The following OR51L1 variants were observed in gnomAD, a reference collection of about 807,000 sequenced individuals.
OR51L1 encodes olfactory receptor family 51 subfamily L member 1, also known as olfactory receptor 51L1.
Under a neutral mutation model 1.4 loss-of-function variants are expected in OR51L1, and 1 was observed. The observed-to-expected ratio is 0.72, with a 90% confidence interval of 0.26 to 3.42. OR51L1 has a LOEUF of 3.42. Ranked by LOEUF, OR51L1 falls within the 30% of genes most tolerant of loss-of-function variation. OR51L1 has a pLI of 0.20. For synonymous variants in OR51L1, 156 were observed against 144.2 expected (o/e 1.08, Z -0.59); for missense variants, 378 against 380.0 (o/e 0.99, Z 0.04).
In OR51L1 at chr11:5,002,743, C is replaced by T. The variant is rs1302112588; in HGVS notation, c.*2813C>T. On this transcript the variant is annotated 3_prime_UTR_variant, in exon 3 of 3. Transcript: ENST00000641819. ...GACAAGGCTATCTTCAGGCCTGATT[C>T]ACAGGTCAACTTTTCCCTCTGCCCA... is the stretch of plus-strand genomic sequence containing the variant. The T allele has an allele frequency of 2.6e-5, 4 of 152,174 alleles. No individual in the cohort carries two copies. The highest frequency in any genetic ancestry group is 9.7e-5 in the African/African-American group (4 of 41,420). 9.4% of individuals were successfully genotyped at this position (152,174 alleles called of 1,614,324 possible).
chr11:4,999,969 T>C lies in OR51L1; in HGVS notation c.*39T>C. 6.5e-7 allele frequency: 1 copy of C among 1,547,310 alleles called. No individual in the cohort carries two copies. Among genetic ancestry groups the C allele is most frequent in the Non-Finnish European group, 8.7e-7 (1 of 1,149,756 alleles). ...TCCAACTTTTCCACTGAAAATCTCA[T>C]GGAAGCTGTTTTAGTATATGAAAAG... is the stretch of plus-strand genomic sequence containing the variant. On this transcript the variant is annotated 3_prime_UTR_variant, in exon 3 of 3. Coordinates refer to ENST00000641819, the MANE Select transcript of OR51L1 (RefSeq NM_001004755.2).
rs986984854 is a variant in OR51L1, at chr11:5,004,204, G to T, written c.*4274G>T. On this transcript the variant is annotated 3_prime_UTR_variant, in exon 3 of 3. Transcript: ENST00000641819. ...TCTTAGCATCCTGGATGCCAGAAAA[G>T]GTCATTACATTGCATGTGTTTAGAA... The T allele has an allele frequency of 1.3e-5, 2 of 152,276 alleles. No individual in the cohort carries two copies. The highest frequency in any genetic ancestry group is 1.9e-4 in the East Asian group (1 of 5,178). 9.4% of individuals were successfully genotyped at this position (152,276 alleles called of 1,614,324 possible).
intron 1 of OR51L1, among the ~76,000 whole-genome samples, chr11:4,996,644 G>C (rs1344354797): frequency 1.3e-5 from 2 of 151,918 alleles, no homozygotes; most frequent in Non-Finnish European, 2.9e-5. Context: ...CTTCTCCACT[G>C]TGGCCACAGT....
In OR51L1 at chr11:4,999,230, T is replaced by A. The variant is rs1396692373; in HGVS notation, c.248T>A (p.Met83Lys). Residue 83 changes from methionine (M) to lysine (K), a missense_variant, in exon 3 of 3, where the codon ATG becomes AAG. By Grantham distance (95) the Met-to-Lys change is moderately conservative. Transcript: ENST00000641819. ...ATGTCCCTGTCTACACTTCCCACCA[T>A]GCTTGCTGTGTTATGGTTGGATGCT... ...LGMSLSTLPT[M>K]LAVLWLDAPE... 1 of 1,614,234 alleles carries A rather than the reference T, an allele frequency of 6.2e-7. No individual in the cohort carries two copies. The highest frequency in any genetic ancestry group is 1.1e-5 in the South Asian group (1 of 91,090).
rs1267878222 is a variant in OR51L1 at position 5,005,310 on chromosome 11, C to T, written c.*5380C>T. On this transcript the variant is annotated 3_prime_UTR_variant, in exon 3 of 3. Transcript: ENST00000641819. ...GAGTCTTCCTTTACTCCCTTTCTCG[C>T]TTCAGACATTCACCTTATCTTACGT... is the stretch of plus-strand genomic sequence containing the variant. 2 of 152,198 alleles carry T rather than the reference C, an allele frequency of 1.3e-5. No homozygotes were observed. Among genetic ancestry groups the T allele is most frequent in the Admixed American group, 1.3e-4 (2 of 15,256 alleles). 9.4% of individuals were successfully genotyped at this position (152,198 alleles called of 1,614,324 possible).
intron 1 of OR51L1, among the ~76,000 whole-genome samples, chr11:4,996,702 CCTTCCTTCCTTTCTTTTCT>C (rs1211993798): frequency 1.5e-3 from 145 of 97,988 alleles, no homozygotes; most frequent in African/African-American, 5.7e-3. Flanking sequence ...TCTTTCTTTT[CCTTCCTTCCTTTCTTTTCT>C]TTTCTTTCTT....
In OR51L1 at chr11:4,999,166, T is replaced by A; in HGVS notation, c.184T>A (p.Tyr62Asn). 1 of 1,613,970 alleles carries A rather than the reference T, an allele frequency of 6.2e-7. No individual in the cohort carries two copies. Among genetic ancestry groups the A allele is most frequent in the Middle Eastern group, 1.7e-4 (1 of 6,060 alleles). The stretch of plus-strand genomic sequence containing the variant: ...AGAATCCTCTCTCCATCAGCCCATG[T>A]ATTACTTTATTTCCATCTTAGCAGT... ...WIESSLHQPM[Y>N]YFISILAVND... Residue 62 changes from tyrosine (Y) to asparagine (N), a missense_variant, in exon 3 of 3, where the codon TAT (tyrosine) becomes AAT (asparagine). Coordinates refer to ENST00000641819, the MANE Select transcript of OR51L1 (RefSeq NM_001004755.2).
rs1847109141 is a variant in OR51L1 at position 4,999,629 on chromosome 11, T to C, written c.647T>C (p.Ile216Thr). Residue 216 changes from isoleucine (I) to threonine (T), a missense_variant, in exon 3 of 3, where the codon ATA (isoleucine) becomes ACA (threonine). Physicochemically the swap from Ile to Thr is moderately conservative, Grantham distance 89 (BLOSUM62 -1). Transcript: ENST00000641819. ...ACACTAGGTGTGGATTCAATCTTCA[T>C]ACTTCTTTCTTATGTTCTGATTCTT... The part of the protein sequence containing the change: ...IATLGVDSIF[I>T]LLSYVLILNT... The C allele has an allele frequency of 1.9e-6, 3 of 1,614,054 alleles. No homozygotes were observed. The highest frequency in any genetic ancestry group is 2.5e-6 in the Non-Finnish European group (3 of 1,179,940).
At chr11:4,996,332 A>G (rs1847068407) in intron 1 of OR51L1, among the ~76,000 whole-genome samples, 1 of 152,124 alleles carries the variant, frequency 6.6e-6, no homozygotes, top group Non-Finnish European at 1.5e-5. Context: ...ATATATAAAC[A>G]TCATTCTGTA....
chr11:4,996,446 T>A (rs1847069329), intron 1 of OR51L1, among the ~76,000 whole-genome samples: 1 of 152,116 alleles, frequency 6.6e-6, no homozygotes, highest in Non-Finnish European at 1.5e-5. Flanking sequence ...TGAAGTTTTC[T>A]AAACATCGCA....
At chr11:4,996,529 T>G (rs1228717750) in intron 1 of OR51L1, among the ~76,000 whole-genome samples, 1 of 152,074 alleles carries the variant, frequency 6.6e-6, no homozygotes, top group Non-Finnish European at 1.5e-5. Flanking sequence ...CACTTTGTTC[T>G]TTGCATTCTA....
rs191788350 is a variant in OR51L1, at chr11:4,995,475, G to A, written c.-262+140G>A. Reference sequence around the variant, plus strand: ...AAAGGAAAAAGAATTATTCTCATCTGTGAAAAAAATTAAATTTATTACAGT... The same window carrying A: ...AAAGGAAAAAGAATTATTCTCATCTATGAAAAAAATTAAATTTATTACAGT... On this transcript the variant is annotated intron_variant, in intron 1 of 2. Coordinates refer to ENST00000641819, the MANE Select transcript of OR51L1 (RefSeq NM_001004755.2). 10 of 152,186 alleles carry A rather than the reference G, an allele frequency of 6.6e-5. No homozygotes were observed. In the East Asian group the frequency reaches 1.9e-3, roughly 29 times the overall value. The allele number at this position is 152,186 out of a possible 1,614,324, so 9.4% of individuals were successfully genotyped here.
chr11:5,000,075 C>T lies in OR51L1; in HGVS notation c.*145C>T. The stretch of plus-strand genomic sequence containing the variant: ...ACATGTAATTTCAGTTAATCTTTAA[C>T]CAATATGAAACTCAGGATTTTTTTG... On this transcript the variant is annotated 3_prime_UTR_variant, in exon 3 of 3. Transcript: ENST00000641819. The T allele has an allele frequency of 1.1e-6, 1 of 896,658 alleles. No individual in the cohort carries two copies. The highest frequency in any genetic ancestry group is 1.6e-6 in the Non-Finnish European group (1 of 623,580). 55.5% of individuals were successfully genotyped at this position (896,658 alleles called of 1,614,324 possible). A position where few individuals can be genotyped will look rare whatever the true frequency, so the allele number is the denominator to read the frequency against.
chr11:4,999,146 C>A lies in OR51L1; in HGVS notation c.164C>A (p.Ser55Tyr). 1 of 1,612,694 alleles carries A rather than the reference C, an allele frequency of 6.2e-7. No individual in the cohort carries two copies. The highest frequency in any genetic ancestry group is 8.5e-7 in the Non-Finnish European group (1 of 1,178,690). Reference protein sequence around the residue: ...VTILSVIWIESSLHQPMYYFI... With the variant: ...VTILSVIWIEYSLHQPMYYFI... Reference sequence around the variant, plus strand: ...ATCCTGTCTGTCATTTGGATAGAATCCTCTCTCCATCAGCCCATGTATTAC... The same window carrying A: ...ATCCTGTCTGTCATTTGGATAGAATACTCTCTCCATCAGCCCATGTATTAC... Residue 55 changes from serine (S) to tyrosine (Y), a missense_variant, in exon 3 of 3, where the codon TCC (serine) becomes TAC (tyrosine). Ser to Tyr is a moderately radical substitution (Grantham distance 144). Transcript: ENST00000641819.
Position 5,003,440 on chromosome 11 carries a change from A to C in OR51L1, c.*3510A>C, listed in dbSNP as rs867122975. The C allele has an allele frequency of 6.6e-6, 1 of 152,078 alleles. No individual in the cohort carries two copies. Among genetic ancestry groups the C allele is most frequent in the South Asian group, 2.1e-4 (1 of 4,820 alleles). 9.4% of individuals were successfully genotyped at this position (152,078 alleles called of 1,614,324 possible). A position where few individuals can be genotyped will look rare whatever the true frequency, so the allele number is the denominator to read the frequency against. ...AAAGTTACTTCCTTTTGGCATCTGC[A>C]TTCTATTAGCAGTTTAGTGCAACAG... On this transcript the variant is annotated 3_prime_UTR_variant, in exon 3 of 3. Transcript: ENST00000641819.
Position 4,999,669 on chromosome 11 carries a change from T to C in OR51L1, c.687T>C (p.Asp229=). 1 of 1,614,088 alleles carries C rather than the reference T, an allele frequency of 6.2e-7. No individual in the cohort carries two copies. Among genetic ancestry groups the C allele is most frequent in the Non-Finnish European group, 8.5e-7 (1 of 1,179,998 alleles). ...SYVLILNTVL[D]IASREEQLKA... Reference sequence around the variant, plus strand: ...TTCTGATTCTTAATACTGTGCTGGATATTGCATCTCGTGAAGAGCAGCTAA... The same window carrying C: ...TTCTGATTCTTAATACTGTGCTGGACATTGCATCTCGTGAAGAGCAGCTAA... Residue 229 remains aspartate (D), a synonymous_variant, in exon 3 of 3, where the codon GAT becomes GAC. Transcript: ENST00000641819.
intron 2 of OR51L1, 47 bp from the exon 3 acceptor site, chr11:4,998,777 G>C (rs1847095463): frequency 1.8e-6 from 1 of 542,364 alleles, no homozygotes. Flanking sequence ...CCACATTTTT[G>C]TTCCAGAATT....
In OR51L1 at chr11:5,000,167, T is replaced by C. The variant is rs545562597; in HGVS notation, c.*237T>C. ...ATTACAAGACTTATAATAGAAAATGTATGTGCTAAGTCAAGTTTTTTGAAA... is the reference window on the plus strand; with the variant it reads ...ATTACAAGACTTATAATAGAAAATGCATGTGCTAAGTCAAGTTTTTTGAAA... On this transcript the variant is annotated 3_prime_UTR_variant, in exon 3 of 3. Coordinates refer to ENST00000641819, the MANE Select transcript of OR51L1 (RefSeq NM_001004755.2). 7.7e-6 allele frequency: 3 copies of C among 392,140 alleles called. No homozygotes were observed. The highest frequency in any genetic ancestry group is 1.4e-5 in the Non-Finnish European group (3 of 220,286). The allele number at this position is 392,140 out of a possible 1,614,324, so 24.3% of individuals were successfully genotyped here. A position where few individuals can be genotyped will look rare whatever the true frequency, so the allele number is the denominator to read the frequency against.
In OR51L1 at chr11:5,005,087, G is replaced by A. The variant is rs183649170; in HGVS notation, c.*5157G>A. 6.6e-6 allele frequency: 1 copy of A among 152,276 alleles called. No individual in the cohort carries two copies. Among genetic ancestry groups the A allele is most frequent in the East Asian group, 1.9e-4 (1 of 5,166 alleles). 9.4% of individuals were successfully genotyped at this position (152,276 alleles called of 1,614,324 possible). A position where few individuals can be genotyped will look rare whatever the true frequency, so the allele number is the denominator to read the frequency against. Reference sequence around the variant, plus strand: ...AAATGGCCTCAGGCATCTGGGAAGGGCTACCCACAGATCATTCATAAGTAA... The same window carrying A: ...AAATGGCCTCAGGCATCTGGGAAGGACTACCCACAGATCATTCATAAGTAA... On this transcript the variant is annotated 3_prime_UTR_variant, in exon 3 of 3. Coordinates refer to ENST00000641819, the MANE Select transcript of OR51L1 (RefSeq NM_001004755.2).
Sources: allele counts gnomAD v4.1 joint callset (sites outside exome capture counted in the v4.1 genomes callset), GRCh38; gene constraint gnomAD v4.1.1; transcripts MANE v1.5; gene names NCBI Gene and HGNC (gene_info 2026-07-23, HGNC 2026-07-21).